ABCC4: variants seen among roughly 807,000 people sequenced by gnomAD.
ABCC4 encodes the protein ATP-binding cassette sub-family C member 4.
A neutral mutation model predicts 168.5 loss-of-function variants in ABCC4; 102 were observed. The observed-to-expected ratio is 0.61, with a 90% CI of 0.52 to 0.71. ABCC4 has a LOEUF of 0.71. Ranked by LOEUF, ABCC4 falls within the 30% of genes least tolerant of loss-of-function variation. The pLI is 0.00. For missense variants in ABCC4, 1,402 were observed against 1,605.8 expected, an observed-to-expected ratio of 0.87 and a Z score of 2.17; for synonymous variants, 617 against 590.7, an observed-to-expected ratio of 1.04 and a Z score of -0.65.
chr13:95,095,598 T>G (rs2034568636), intron 20 of ABCC4, among the ~76,000 whole-genome samples: 1 of 152,100 alleles, frequency 6.6e-6, no homozygotes, highest in Non-Finnish European at 1.5e-5. Context: ...TGTACACTGC[T>G]TGGGTGATGG....
At chr13:95,145,398 C>T (rs2036457695) in intron 19 of ABCC4, among the ~76,000 whole-genome samples, 1 of 151,364 alleles carries the variant, frequency 6.6e-6, no homozygotes, top group Admixed American at 6.6e-5. Flanking sequence ...AGGCAGATCA[C>T]TTGAGCCCAG....
intron 9 of ABCC4, among the ~76,000 whole-genome samples, chr13:95,189,229 G>A (rs2038175413): frequency 7.0e-6 from 1 of 143,314 alleles, no homozygotes; most frequent in Non-Finnish European, 1.5e-5. Flanking sequence ...CGCCTTCCGG[G>A]TTCACGCCAT....
chr13:95,038,037 T>C (rs1450782971), intron 29 of ABCC4, among the ~76,000 whole-genome samples: 1 of 152,112 alleles, frequency 6.6e-6, no homozygotes, highest in Non-Finnish European at 1.5e-5. Flanking sequence ...TGTTTCTTTG[T>C]AGAGATGGGG....
At chr13:95,130,947 CCTT>C (rs1326278909) in intron 19 of ABCC4, among the ~76,000 whole-genome samples, 5 of 152,048 alleles carry the variant, frequency 3.3e-5, no homozygotes, top group South Asian at 2.1e-4. Context: ...TTTTTTTTCT[CCTT>C]CTTCTTCTTT....
chr13:95,132,706 A>G (rs928921854), intron 19 of ABCC4, among the ~76,000 whole-genome samples: 2 of 152,204 alleles, frequency 1.3e-5, no homozygotes, highest in Admixed American at 6.5e-5. Context: ...GGCTGACTGT[A>G]TATACACACC....
chr13:95,136,938 A>G (rs1211732090), intron 19 of ABCC4, among the ~76,000 whole-genome samples: 3 of 152,226 alleles, frequency 2.0e-5, no homozygotes, highest in Non-Finnish European at 2.9e-5. Context: ...ATACTTCTTG[A>G]CACCCAGAGT....
At chr13:95,156,590 G>A (rs945234355) in intron 19 of ABCC4, among the ~76,000 whole-genome samples, 8 of 152,200 alleles carry the variant, frequency 5.3e-5, no homozygotes, top group Non-Finnish European at 4.4e-5. Flanking sequence ...TGACTAGGAA[G>A]AGGTAGATGC....
chr13:95,075,298 G>T, intron 22 of ABCC4, 134 bp downstream of exon 22: 2 of 1,183,082 alleles, frequency 1.7e-6, no homozygotes. Flanking sequence ...GGAAGGAGAC[G>T]AAGATGCGCA....
intron 19 of ABCC4, among the ~76,000 whole-genome samples, chr13:95,155,195 G>C (rs2036815118): frequency 6.6e-6 from 1 of 151,792 alleles, no homozygotes. Context: ...ATTCAGTCAA[G>C]CTGGGAAGGA....
intron 4 of ABCC4, among the ~76,000 whole-genome samples, chr13:95,218,723 T>C (rs2138703116): frequency 6.6e-6 from 1 of 151,810 alleles, no homozygotes; most frequent in East Asian, 1.9e-4. Context: ...TGGTGGCACA[T>C]GCCTGTAGTC....
intron 19 of ABCC4, among the ~76,000 whole-genome samples, chr13:95,128,609 G>C (rs1033544536): frequency 5.9e-5 from 9 of 152,244 alleles, no homozygotes; most frequent in Non-Finnish European, 7.4e-5. Context: ...TATTCACTCT[G>C]AGCAGGGAAA....
intron 4 of ABCC4, among the ~76,000 whole-genome samples, chr13:95,226,970 T>C (rs547660428): frequency 6.6e-6 from 1 of 152,312 alleles, no homozygotes; most frequent in African/African-American, 2.4e-5. Flanking sequence ...ATAGGAGCTT[T>C]TAAAATTTCC....
Position 95,132,255 on chromosome 13 carries a change from G to A in ABCC4, c.2456-16254C>T, listed in dbSNP as rs578260571. Among the ~76,000 whole-genome samples, 22 of 152,116 alleles carry A rather than the reference G, an allele frequency of 1.4e-4. No homozygotes were observed. In the East Asian group the frequency reaches 1.9e-3, roughly 13 times the overall value. On this transcript the variant is annotated intron_variant, in intron 19 of 30. Coordinates refer to ENST00000645237, the MANE Select transcript of ABCC4 (RefSeq NM_005845.5). ...TTTTGAGACAGAGTCTCACTGTGTC[G>A]CCAAGACTGGAGTGTAGTGGCGTGA...
intron 6 of ABCC4, among the ~76,000 whole-genome samples, chr13:95,208,430 C>G (rs181571800): frequency 6.6e-6 from 1 of 151,434 alleles, no homozygotes; most frequent in Non-Finnish European, 1.5e-5. Flanking sequence ...AGGGGAAGGT[C>G]CAAGTAGAAA....
intron 19 of ABCC4, among the ~76,000 whole-genome samples, chr13:95,142,085 T>C (rs2036336377): frequency 6.6e-6 from 1 of 152,232 alleles, no homozygotes. Context: ...ATCCCACTAC[T>C]GGGTATCTAC....
intron 3 of ABCC4, among the ~76,000 whole-genome samples, chr13:95,237,559 T>C (rs535097022): frequency 2.6e-5 from 4 of 152,310 alleles, no homozygotes; most frequent in African/African-American, 4.8e-5. Context: ...AGTAGGATAC[T>C]TGAATGTTCC....
At chr13:95,234,876 C>T (rs1000470060) in intron 3 of ABCC4, 42 bp from the exon 4 acceptor site, 2 of 1,329,658 alleles carry the variant, frequency 1.5e-6, no homozygotes, top group African/African-American at 1.5e-5. Flanking sequence ...GACATACAGA[C>T]CACACCATTT....
intron 19 of ABCC4, among the ~76,000 whole-genome samples, chr13:95,139,534 C>G (rs958873857): frequency 6.6e-6 from 1 of 152,216 alleles, no homozygotes; most frequent in African/African-American, 2.4e-5. Flanking sequence ...GGCACCTACA[C>G]AGCCCATGCC....
At chr13:95,036,377 G>T (rs1394307584) in intron 29 of ABCC4, among the ~76,000 whole-genome samples, 2 of 152,190 alleles carry the variant, frequency 1.3e-5, no homozygotes, top group Non-Finnish European at 2.9e-5. Flanking sequence ...TTTGGTCCTT[G>T]TCCAAATTCC....
Sources: gnomAD v4.1 joint callset for allele counts (sites outside exome capture counted in the v4.1 genomes callset) on GRCh38, gnomAD v4.1.1 for gene constraint, MANE v1.5 for transcripts, NCBI Gene and HGNC (gene_info 2026-07-23, HGNC 2026-07-21) for gene names.